Variants in ARB2A observed in about 807,000 individuals in gnomAD.
ARB2A encodes ARB2 cotranscriptional regulator A.
chr5:93,840,813 AGCCAGTCTGTGTG>A, the ARB2A span, among the ~76,000 whole-genome samples: 1 of 152,206 alleles, frequency 6.6e-6, no homozygotes, highest in Non-Finnish European at 1.5e-5. Context: ...TGTGATTGCA[AGCCAGTCTGTGTG>A]GTTCTAGTGT....
chr5:93,973,115 A>C, the ARB2A span, among the ~76,000 whole-genome samples: 2 of 126,190 alleles, frequency 1.6e-5, no homozygotes, highest in African/African-American at 6.0e-5. Flanking sequence ...TGCCCAGATA[A>C]TTTTTAAATT....
the ARB2A span, among the ~76,000 whole-genome samples, chr5:93,910,269 G>T: frequency 6.6e-6 from 1 of 150,524 alleles, no homozygotes; most frequent in Non-Finnish European, 1.5e-5. Flanking sequence ...TCCATGGGGG[G>T]GCAATTATAT....
chr5:93,698,533 A>G, the ARB2A span, among the ~76,000 whole-genome samples: 549 of 152,302 alleles, frequency 3.6e-3, 2 homozygotes, highest in African/African-American at 0.013. Context: ...TGATATTTGA[A>G]CAAAGATCCA....
At chr5:93,827,579 G>A in the ARB2A span, among the ~76,000 whole-genome samples, 2 of 151,900 alleles carry the variant, frequency 1.3e-5, no homozygotes, top group Non-Finnish European at 2.9e-5. Context: ...TTCTTTTGCT[G>A]TGCAGAAGCT....
the ARB2A span, among the ~76,000 whole-genome samples, chr5:94,025,696 A>C: frequency 6.6e-6 from 1 of 152,264 alleles, no homozygotes; most frequent in Non-Finnish European, 1.5e-5. Context: ...AAAGAATATG[A>C]AGTTTCTGCT....
At chr5:93,992,309 G>A in the ARB2A span, among the ~76,000 whole-genome samples, 1 of 152,088 alleles carries the variant, frequency 6.6e-6, no homozygotes, top group East Asian at 1.9e-4. Flanking sequence ...TGGAAACCCA[G>A]ATATAGAGAG....
the ARB2A span, among the ~76,000 whole-genome samples, chr5:93,828,573 A>G: frequency 6.6e-6 from 1 of 152,206 alleles, no homozygotes; most frequent in Non-Finnish European, 1.5e-5. Context: ...CAAGTGGATG[A>G]CCACAACAAT....
At chr5:94,077,100 C>A in the ARB2A span, among the ~76,000 whole-genome samples, 1 of 151,934 alleles carries the variant, frequency 6.6e-6, no homozygotes, top group Admixed American at 6.6e-5. Context: ...ATTGGCTGGG[C>A]GCGGTGGCTC....
At chr5:94,009,761 G>T in the ARB2A span, among the ~76,000 whole-genome samples, 13 of 151,898 alleles carry the variant, frequency 8.6e-5, no homozygotes, top group African/African-American at 2.9e-4. Flanking sequence ...GTGAGATTTT[G>T]TTGTGTGTGT....
the ARB2A span, among the ~76,000 whole-genome samples, chr5:93,985,047 G>A: frequency 8.5e-5 from 13 of 152,092 alleles, no homozygotes; most frequent in African/African-American, 3.1e-4. Flanking sequence ...TCCTTTTAAT[G>A]TTTCTCTGAG....
the ARB2A span, among the ~76,000 whole-genome samples, chr5:93,673,000 C>T: frequency 6.6e-6 from 1 of 152,094 alleles, no homozygotes; most frequent in Non-Finnish European, 1.5e-5. Flanking sequence ...TCACTAATGC[C>T]AACACACATG....
At chr5:93,811,542 T>G in the ARB2A span, among the ~76,000 whole-genome samples, 1 of 152,114 alleles carries the variant, frequency 6.6e-6, no homozygotes, top group African/African-American at 2.4e-5. Flanking sequence ...GGACGTTGTC[T>G]GAGGGTTAAA....
At chr5:94,039,529 C>A in the ARB2A span, among the ~76,000 whole-genome samples, 5 of 152,244 alleles carry the variant, frequency 3.3e-5, no homozygotes, top group South Asian at 2.1e-4. Flanking sequence ...AATGATGTAC[C>A]CCTTGTTCAG....
the ARB2A span, among the ~76,000 whole-genome samples, chr5:93,727,255 G>C: frequency 6.6e-5 from 10 of 152,034 alleles, no homozygotes; most frequent in Non-Finnish European, 1.3e-4. Flanking sequence ...TCTTGGGTAA[G>C]AGAGCAGAAG....
At chr5:94,029,158 A>G in the ARB2A span, among the ~76,000 whole-genome samples, 1 of 151,994 alleles carries the variant, frequency 6.6e-6, no homozygotes, top group Non-Finnish European at 1.5e-5. Flanking sequence ...TGTCCAGCTA[A>G]TTTTTGTATT....
chr5:93,631,290 T>G, the ARB2A span, among the ~76,000 whole-genome samples: 1 of 152,152 alleles, frequency 6.6e-6, no homozygotes, highest in Admixed American at 6.5e-5. Context: ...CAATAAAAAA[T>G]GTATGCATTT....
the ARB2A span, among the ~76,000 whole-genome samples, chr5:93,936,371 T>A: frequency 6.6e-6 from 1 of 152,118 alleles, no homozygotes; most frequent in Non-Finnish European, 1.5e-5. Flanking sequence ...TATGAAAAGG[T>A]TTATGAAATT....
chr5:94,055,666 G>A, the ARB2A span: 1 of 985,162 alleles, frequency 1.0e-6, no homozygotes, highest in Non-Finnish European at 1.2e-6. Flanking sequence ...TTACCACCTT[G>A]TAAATCTTTT....
chr5:93,798,221 T>A, the ARB2A span, among the ~76,000 whole-genome samples: 2 of 152,082 alleles, frequency 1.3e-5, no homozygotes, highest in Non-Finnish European at 2.9e-5. Flanking sequence ...AAATCTACCA[T>A]ACTACTTTCT....
Sources: allele counts gnomAD v4.1 joint callset (sites outside exome capture counted in the v4.1 genomes callset), GRCh38; gene constraint gnomAD v4.1.1; transcripts MANE v1.5; gene names NCBI Gene and HGNC (gene_info 2026-07-23, HGNC 2026-07-21).